ACTR3C: variants seen among roughly 807,000 people sequenced by gnomAD.
The protein encoded by ACTR3C is actin-related protein 3C.
In ACTR3C, 18 loss-of-function variants were observed where a neutral mutation model predicts 26.3. The ratio of observed to expected loss-of-function variants is 0.68; its 90% CI spans 0.47 to 1.01. ACTR3C has a LOEUF of 1.01. Among genes scored for constraint, ACTR3C ranks in the 50% least tolerant of loss-of-function variants. ACTR3C has a pLI of 0.00. For synonymous variants in ACTR3C, 55 were observed against 94.5 expected (o/e 0.58, Z 2.42); for missense variants, 184 against 250.7 (o/e 0.73, Z 1.80).
At chr7:150,146,927 G>A in the ACTR3C span, among the ~76,000 whole-genome samples, 3 of 152,134 alleles carry the variant, frequency 2.0e-5, no homozygotes, top group African/African-American at 4.8e-5. Flanking sequence ...TATAGCAGCT[G>A]GAAGAACCTT....
chr7:149,934,465 C>T, the ACTR3C span, among the ~76,000 whole-genome samples: 2,038 of 152,268 alleles, frequency 0.013, 49 homozygotes, highest in African/African-American at 0.045. Context: ...TTTATATATT[C>T]AAGAGGTTAT....
rs561847086 is a variant in ACTR3C, at chr7:150,282,175, C to T, written c.564+2578G>A. ...CCAGTGCCCGGTGGAGGCTGGCCCA[C>T]GTGACGGCCCGGGGAGGAGGGGTGG... On this transcript the variant is annotated intron_variant, in intron 6 of 7. Transcript: ENST00000683684. Among the ~76,000 whole-genome samples the T allele has an allele frequency of 4.9e-5, 7 of 141,868 alleles. No homozygotes were observed. In the East Asian group the frequency reaches 1.2e-3, roughly 25 times the overall value. 93.1% of individuals were successfully genotyped at this position (141,868 alleles called of 152,430 possible). A position where few individuals can be genotyped will look rare whatever the true frequency, so the allele number is the denominator to read the frequency against.
intron 1 of ACTR3C, among the ~76,000 whole-genome samples, chr7:150,299,469 A>C (rs1340637845): frequency 2.1e-5 from 3 of 140,190 alleles, no homozygotes; most frequent in Non-Finnish European, 3.1e-5. Flanking sequence ...CCTCTCAAAA[A>C]AAAAAAAAAA....
chr7:150,023,306 G>GATACATACATACATAC, the ACTR3C span, among the ~76,000 whole-genome samples: 28 of 48,646 alleles, frequency 5.8e-4, 2 homozygotes, highest in African/African-American at 1.9e-3. Flanking sequence ...TAGATAGATA[G>GATACATACATACATAC]ATAGATAGAT....
the ACTR3C span, among the ~76,000 whole-genome samples, chr7:150,200,170 C>G: frequency 6.6e-6 from 1 of 152,118 alleles, no homozygotes; most frequent in Admixed American, 6.5e-5. Context: ...GACCAAATTG[C>G]TAAGTGGACA....
the ACTR3C span, among the ~76,000 whole-genome samples, chr7:150,055,129 G>T: frequency 1.6e-4 from 24 of 152,290 alleles, 1 homozygote; most frequent in African/African-American, 5.3e-4. Flanking sequence ...TCATACAGTG[G>T]CTTTCAAAGA....
intron 1 of ACTR3C, among the ~76,000 whole-genome samples, chr7:150,312,870 A>G (rs1362939871): frequency 1.3e-5 from 2 of 152,186 alleles, no homozygotes; most frequent in Non-Finnish European, 2.9e-5. Flanking sequence ...ACCTGCACAT[A>G]TATGTCCAGA....
At chr7:150,198,780 A>G in the ACTR3C span, among the ~76,000 whole-genome samples, 1 of 127,248 alleles carries the variant, frequency 7.9e-6, no homozygotes, top group African/African-American at 3.5e-5. Flanking sequence ...CCGCCTGGCC[A>G]GCCGTGCCGT....
At chr7:149,899,798 ATT>A in the ACTR3C span, among the ~76,000 whole-genome samples, 1 of 142,314 alleles carries the variant, frequency 7.0e-6, no homozygotes. Flanking sequence ...AAACTAATAG[ATT>A]CAATACTGAA....
At chr7:150,248,134 C>G (rs962078815) in intron 7 of ACTR3C, 1 of 152,254 alleles carries the variant, frequency 6.6e-6, no homozygotes, top group Non-Finnish European at 1.5e-5. Flanking sequence ...GATTTTCCAC[C>G]CTAGCTCCTG....
the ACTR3C span, among the ~76,000 whole-genome samples, chr7:150,009,092 T>A: frequency 6.6e-6 from 1 of 152,206 alleles, no homozygotes. Context: ...GTGGGGATGT[T>A]AGGCAGGCAG....
At chr7:150,230,624 T>C in the ACTR3C span, among the ~76,000 whole-genome samples, 1 of 152,144 alleles carries the variant, frequency 6.6e-6, no homozygotes, top group Non-Finnish European at 1.5e-5. Flanking sequence ...AACCAATGCA[T>C]GATGATCTGA....
chr7:150,142,240 C>T, the ACTR3C span, among the ~76,000 whole-genome samples: 1 of 152,182 alleles, frequency 6.6e-6, no homozygotes, highest in African/African-American at 2.4e-5. Flanking sequence ...TCCCAGCCTG[C>T]CTTGCAGCTG....
chr7:149,897,205 G>A, the ACTR3C span, among the ~76,000 whole-genome samples: 2 of 152,164 alleles, frequency 1.3e-5, no homozygotes, highest in African/African-American at 4.8e-5. Flanking sequence ...ATTAATACTG[G>A]TTAACCATGG....
At chr7:150,256,632 G>A (rs1833239618) in intron 6 of ACTR3C, among the ~76,000 whole-genome samples, 2 of 152,138 alleles carry the variant, frequency 1.3e-5, no homozygotes, top group Admixed American at 6.6e-5. Context: ...GTAGGATGAA[G>A]GTCCAAAAAC....
intron 6 of ACTR3C, among the ~76,000 whole-genome samples, chr7:150,262,706 T>A (rs1833737514): frequency 6.6e-6 from 1 of 152,242 alleles, no homozygotes; most frequent in Admixed American, 6.5e-5. Context: ...GGTTTCCATC[T>A]ACATCTAACA....
chr7:149,960,021 T>C, the ACTR3C span, among the ~76,000 whole-genome samples: 1 of 151,524 alleles, frequency 6.6e-6, no homozygotes, highest in African/African-American at 2.4e-5. Context: ...ATATGGCACT[T>C]GCAGCCATTT....
the ACTR3C span, among the ~76,000 whole-genome samples, chr7:150,201,761 A>C: frequency 1.3e-3 from 192 of 152,262 alleles, no homozygotes; most frequent in African/African-American, 4.5e-3. Context: ...CAAAAAAAAA[A>C]AAAAAGTTTC....
chr7:149,976,861 G>A, the ACTR3C span, among the ~76,000 whole-genome samples: 1 of 151,582 alleles, frequency 6.6e-6, no homozygotes, highest in Admixed American at 6.6e-5. Flanking sequence ...ATCGCATGGT[G>A]GCCCTGGACT....
Sources: allele counts gnomAD v4.1 joint callset (sites outside exome capture counted in the v4.1 genomes callset), GRCh38; gene constraint gnomAD v4.1.1; transcripts MANE v1.5; gene names NCBI Gene and HGNC (gene_info 2026-07-23, HGNC 2026-07-21).